Variants in TDRD15 observed in about 807,000 individuals in gnomAD.
TDRD15 encodes tudor domain containing 15.
For synonymous variants in TDRD15, 503 were observed against 314.5 expected (o/e 1.60, Z -6.34); for missense variants, 1,416 against 904.7 (o/e 1.57, Z -7.25).
chr2:21,137,282 G>C (rs1192146483), intron 3 of TDRD15, among the ~76,000 whole-genome samples, 183 bp from the exon 4 acceptor site: 1 of 151,950 alleles, frequency 6.6e-6, no homozygotes, highest in South Asian at 2.1e-4. Context: ...ATAGAAAGCA[G>C]TGAATGTTAG....
At chr2:21,128,240 GA>G (rs1665636838) in intron 2 of TDRD15, among the ~76,000 whole-genome samples, 1 of 151,630 alleles carries the variant, frequency 6.6e-6, no homozygotes, top group Admixed American at 6.6e-5. Flanking sequence ...TAGTGATATG[GA>G]ACATATTTTT....
In TDRD15 at chr2:21,139,982, A is replaced by T. The variant is rs1023648159; in HGVS notation, c.2515A>T (p.Lys839Ter). The part of the protein sequence containing the change: ...DIVFVDYGYQ[K>*]RVLIEDLCAI... Reference sequence around the variant, plus strand: ...AGTGTTTGTTGATTATGGTTACCAAAAAAGGGTTTTAATTGAAGATCTTTG... The same window carrying T: ...AGTGTTTGTTGATTATGGTTACCAATAAAGGGTTTTAATTGAAGATCTTTG... Residue 839 changes from lysine (K) to a stop codon, truncating the protein, a stop_gained, in exon 4 of 4, where the codon AAA (lysine) becomes TAA (stop). Transcript: ENST00000405799. LOFTEE classifies it low-confidence loss of function (END_TRUNC). The T allele has an allele frequency of 2.2e-5, 16 of 715,814 alleles. No homozygotes were observed. Among genetic ancestry groups the T allele is most frequent in the Non-Finnish European group, 3.6e-5 (14 of 384,060 alleles). The allele number at this position is 715,814 out of a possible 1,614,324, so 44.3% of individuals were successfully genotyped here.
Position 21,142,630 on chromosome 2 carries a change from A to G in TDRD15, c.5163A>G (p.Ile1721Met), listed in dbSNP as rs754255770. The G allele has an allele frequency of 1.1e-5, 8 of 712,658 alleles. No individual in the cohort carries two copies. Among genetic ancestry groups the G allele is most frequent in the Non-Finnish European group, 1.0e-5 (4 of 383,050 alleles). The allele number at this position is 712,658 out of a possible 1,614,324, so 44.1% of individuals were successfully genotyped here. A position where few individuals can be genotyped will look rare whatever the true frequency, so the allele number is the denominator to read the frequency against. ...ESKTPVSSCT[I>M]KSFTWVQFQN... ...AGACTCCTGTATCATCATGCACAAT[A>G]AAATCATTTACTTGGGTTCAATTCC... is the stretch of plus-strand genomic sequence containing the variant. The change falls in exon 4 of 4, where the codon ATA (isoleucine) becomes ATG (methionine). Residue 1721 changes from isoleucine to methionine, a missense_variant. Physicochemically the swap from Ile to Met is conservative, Grantham distance 10. Transcript: ENST00000405799.
chr2:21,144,204 T>G lies in TDRD15; in HGVS notation c.*932T>G, dbSNP rs1054971202. Among the ~76,000 whole-genome samples, 2 of 151,846 alleles carry G rather than the reference T, an allele frequency of 1.3e-5. No individual in the cohort carries two copies. The highest frequency in any genetic ancestry group is 2.9e-5 in the Non-Finnish European group (2 of 67,806). ...AAATGTCAAACTGATACTAAAATAT[T>G]GTTAAAATTTTAATATTTTATGCAC... On this transcript the variant is annotated 3_prime_UTR_variant, in exon 4 of 4. Coordinates refer to ENST00000405799, the MANE Select transcript of TDRD15 (RefSeq NM_001306137.2).
chr2:21,138,074 C>A lies in TDRD15; in HGVS notation c.607C>A (p.Gln203Lys), dbSNP rs765014062. Residue 203 changes from glutamine (Q) to lysine (K), a missense_variant, in exon 4 of 4, where the codon CAA becomes AAA. Coordinates refer to ENST00000405799, the MANE Select transcript of TDRD15 (RefSeq NM_001306137.2). ...GGAAATGTTAGAAGAATTCCCTCAA[C>A]AAATGCCAGATTTATTACAACATAA... ...IVEMLEEFPQ[Q>K]MPDLLQHKRP... The A allele has an allele frequency of 7.0e-6, 5 of 715,850 alleles. No individual in the cohort carries two copies. Among genetic ancestry groups the A allele is most frequent in the South Asian group, 3.0e-5 (2 of 67,396 alleles). 44.3% of individuals were successfully genotyped at this position (715,850 alleles called of 1,614,324 possible).
At position 21,143,696 on chromosome 2, in the gene TDRD15, T is replaced by C; in HGVS notation, c.*424T>C. Among the ~76,000 whole-genome samples, 1 of 151,902 alleles carries C rather than the reference T, an allele frequency of 6.6e-6. No homozygotes were observed. The highest frequency in any genetic ancestry group is 1.5e-5 in the Non-Finnish European group (1 of 67,760). On this transcript the variant is annotated 3_prime_UTR_variant, in exon 4 of 4. Transcript: ENST00000405799. ...ACACTTAAAAGGTAAACAGACATTT[T>C]TATAAAGTAGATTATTTTCTGTAGA...
chr2:21,146,858 C>T (rs558562742), downstream of TDRD15, among the ~76,000 whole-genome samples: 4 of 152,168 alleles, frequency 2.6e-5, no homozygotes, highest in South Asian at 2.1e-4. Flanking sequence ...ATTTATGACT[C>T]GCTTGCATTG....
downstream of TDRD15, among the ~76,000 whole-genome samples, chr2:21,145,863 G>A (rs1666022056): frequency 6.6e-6 from 1 of 151,796 alleles, no homozygotes; most frequent in African/African-American, 2.4e-5. Context: ...ATTTGAAAGG[G>A]TCTTACGTAC....
At chr2:21,124,499 CAG>C (rs1665539927) in intron 1 of TDRD15, among the ~76,000 whole-genome samples, 1 of 98,950 alleles carries the variant, frequency 1.0e-5, no homozygotes, top group South Asian at 3.2e-4. Context: ...GTGTGTGTGA[CAG>C]AGTGATCCTA....
rs1665970006 is a variant in TDRD15, at chr2:21,143,124, A to G, written c.5657A>G (p.His1886Arg). The change falls in exon 4 of 4, where the codon CAT becomes CGT. Residue 1886 changes from histidine (H) to arginine (R), a missense_variant. By Grantham distance (29) the His-to-Arg change is conservative (BLOSUM62 0). Transcript: ENST00000405799. ...TTAGTTTTTCAGTTTAGGGAATATC[A>G]TTCTGAAACAAAACTGAAAGTAGAT... The part of the protein sequence containing the change: ...PDLVFQFREY[H>R]SETKLKVDVI... 1.4e-6 allele frequency: 1 copy of G among 706,226 alleles called. No individual in the cohort carries two copies. The highest frequency in any genetic ancestry group is 1.5e-5 in the South Asian group (1 of 64,648). The allele number at this position is 706,226 out of a possible 1,614,324, so 43.7% of individuals were successfully genotyped here.
At position 21,140,362 on chromosome 2, in the gene TDRD15, TGAA is replaced by T; in HGVS notation, c.2903_2905del (p.Glu968del). 3 of 705,536 alleles carry T rather than the reference TGAA, an allele frequency of 4.3e-6. No homozygotes were observed. The highest frequency in any genetic ancestry group is 1.5e-5 in the South Asian group (1 of 65,250). The allele number at this position is 705,536 out of a possible 1,614,324, so 43.7% of individuals were successfully genotyped here. ...CTTCCTTTAATATACAAATTGGAAGTGAAGAAGAAGTATATATATCTCACATAT... is the reference window on the plus strand; with the variant it reads ...CTTCCTTTAATATACAAATTGGAAGTGAAGAAGTATATATATCTCACATAT... On this transcript the variant is annotated inframe_deletion, in exon 4 of 4. Transcript: ENST00000405799.
intron 3 of TDRD15, among the ~76,000 whole-genome samples, chr2:21,136,985 T>C (rs1469850058): frequency 6.6e-6 from 1 of 152,068 alleles, no homozygotes; most frequent in East Asian, 1.9e-4. Flanking sequence ...GTGAAAACAG[T>C]GTGCCCCTTT....
At chr2:21,131,366 C>T (rs2103438047) in intron 2 of TDRD15, among the ~76,000 whole-genome samples, 1 of 152,262 alleles carries the variant, frequency 6.6e-6, no homozygotes, top group South Asian at 2.1e-4. Flanking sequence ...TTTCAAAGTA[C>T]AAGATAGGTA....
chr2:21,132,330 T>G (rs1267485306), intron 2 of TDRD15, among the ~76,000 whole-genome samples: 2 of 152,168 alleles, frequency 1.3e-5, no homozygotes, highest in African/African-American at 2.4e-5. Flanking sequence ...TTTTTCTCTC[T>G]TAGCATATTG....
At chr2:21,133,193 T>C (rs1235694301) in intron 2 of TDRD15, among the ~76,000 whole-genome samples, 2 of 152,148 alleles carry the variant, frequency 1.3e-5, no homozygotes, top group African/African-American at 4.8e-5. Context: ...ATTCTGAATA[T>C]GTGGAAAAGA....
chr2:21,143,933 C>T lies in TDRD15; in HGVS notation c.*661C>T, dbSNP rs906395390. On this transcript the variant is annotated 3_prime_UTR_variant, in exon 4 of 4. Coordinates refer to ENST00000405799, the MANE Select transcript of TDRD15 (RefSeq NM_001306137.2). ...TTTTAACCACACATGCATGCACACA[C>T]GCATGACGTTTCACAAATAATTTCA... Among the ~76,000 whole-genome samples, 13 of 151,688 alleles carry T rather than the reference C, an allele frequency of 8.6e-5. No individual in the cohort carries two copies. The highest frequency in any genetic ancestry group is 2.4e-4 in the African/African-American group (10 of 41,386).
Position 21,138,500 on chromosome 2 carries a change from A to G in TDRD15, c.1033A>G (p.Ile345Val), listed in dbSNP as rs773034478. The G allele has an allele frequency of 7.0e-6, 5 of 716,004 alleles. No homozygotes were observed. The South Asian group carries it at 7.4e-5, about 11-fold the overall frequency. 44.4% of individuals were successfully genotyped at this position (716,004 alleles called of 1,614,324 possible). ...TGTAAAGAAACTTAAACAGGATTTT[A>G]TTTTAGTACCATTATTTTCATTTCC... ...IYVKKLKQDF[I>V]LVPLFSFPCS... Residue 345 changes from isoleucine to valine, a missense_variant, in exon 4 of 4, where the codon ATT (isoleucine) becomes GTT (valine). By Grantham distance (29) the Ile-to-Val change is conservative (BLOSUM62 3). Coordinates refer to ENST00000405799, the MANE Select transcript of TDRD15 (RefSeq NM_001306137.2).
At chr2:21,145,449 C>T (rs111412401), downstream of TDRD15, among the ~76,000 whole-genome samples, 70 of 151,986 alleles carry the variant, frequency 4.6e-4, no homozygotes, top group African/African-American at 1.6e-3. Context: ...CCATCAAATT[C>T]TTTAAGAACC....
intron 3 of TDRD15, among the ~76,000 whole-genome samples, chr2:21,135,828 G>C (rs1464866964): frequency 6.6e-6 from 1 of 152,004 alleles, no homozygotes; most frequent in Non-Finnish European, 1.5e-5. Context: ...GAATTCCCCA[G>C]GAGTCCATCT....
Sources: gnomAD v4.1 joint callset for allele counts (sites outside exome capture counted in the v4.1 genomes callset) on GRCh38, gnomAD v4.1.1 for gene constraint, MANE v1.5 for transcripts, NCBI Gene and HGNC (gene_info 2026-07-23, HGNC 2026-07-21) for gene names.